SCN1A: variants seen among roughly 807,000 people sequenced by gnomAD.
SCN1A encodes sodium voltage-gated channel alpha subunit 1.
Under a neutral mutation model 193.7 loss-of-function variants are expected in SCN1A, and 13 were observed. The ratio of observed to expected loss-of-function variants is 0.07; its 90% CI spans 0.04 to 0.11. The LOEUF (loss-of-function observed/expected upper bound fraction) is 0.11, where lower values mean the gene tolerates loss of function less well. Among genes scored for constraint, SCN1A ranks in the 10% least tolerant of loss-of-function variants. The probability of loss-of-function intolerance (pLI) is 1.00; values close to 1 mark genes in which losing one functional copy is unlikely to be tolerated. For synonymous variants in SCN1A, 781 were observed against 843.6 expected (o/e 0.93, Z 1.29); for missense variants, 1,432 against 2,451.1 (o/e 0.58, Z 8.78).
At position 166,051,766 on chromosome 2, in the gene SCN1A, T is replaced by C; in HGVS notation, c.917A>G (p.Asn306Ser). The change falls in exon 9 of 29, where the codon AAT becomes AGT. Residue 306 changes from asparagine to serine, a missense_variant. Around this residue, in one of 18 missense-constraint regions of SCN1A, gnomAD observed 52 missense variants for 59.6 expected, o/e 0.87. Coordinates refer to ENST00000674923, the MANE Select transcript of SCN1A (RefSeq NM_001165963.4). ...CCAGTCAAACTCAAAGACAGTTTCA[T>C]TTATAAGTGTACCATTATAATTCAC... ...ITVNYNGTLI[N>S]ETVFEFDWKS... is the part of the protein sequence containing the mutation. The C allele has an allele frequency of 6.2e-7, 1 of 1,608,686 alleles. No homozygotes were observed. Among genetic ancestry groups the C allele is most frequent in the Non-Finnish European group, 8.5e-7 (1 of 1,175,702 alleles).
chr2:166,076,838 C>CA (rs55783230), intron 3 of SCN1A, among the ~76,000 whole-genome samples: 41,519 of 147,478 alleles, frequency 0.28, 6,029 homozygotes, highest in Non-Finnish European at 0.34. Flanking sequence ...CATCCAAATG[C>CA]AAAAAAAAAA....
At chr2:165,995,386 A>G (rs1475334013) in intron 27 of SCN1A, among the ~76,000 whole-genome samples, 1 of 151,714 alleles carries the variant, frequency 6.6e-6, no homozygotes, top group East Asian at 1.9e-4. Flanking sequence ...ATAGCTGTAC[A>G]TTTTCATAGC....
chr2:166,036,282 A>G lies in SCN1A; in HGVS notation c.3195T>C (p.His1065=), dbSNP rs145219358. The change falls in exon 19 of 29, where the codon CAT becomes CAC. Residue 1065 remains histidine (H), a synonymous_variant. Coordinates refer to ENST00000674923, the MANE Select transcript of SCN1A (RefSeq NM_001165963.4). ...CAAGATCTTTCCCAATTTCTGCTGT[A>G]TGATTGGACATACAACTGTCTTTCT... ...NNKKDSCMSN[H]TAEIGKDLDY... is the part of the protein sequence containing the mutation. 6.2e-6 allele frequency: 10 copies of G among 1,613,784 alleles called. No homozygotes were observed. The highest frequency in any genetic ancestry group is 1.3e-5 in the African/African-American group (1 of 74,926).
chr2:166,043,677 C>A lies in SCN1A; in HGVS notation c.2035G>T (p.Asp679Tyr), dbSNP rs796052979. The change falls in exon 14 of 29, where the codon GAT (aspartate) becomes TAT (tyrosine). Residue 679 changes from aspartate to tyrosine, a missense_variant. Asp to Tyr is a radical substitution (Grantham distance 160, BLOSUM62 -3). This residue lies in a region of SCN1A where 316 missense variants were observed against 362.1 expected (regional missense o/e 0.87). Transcript: ENST00000674923. Reference sequence around the variant, plus strand: ...ATTTAAAACTTCCTTACATTGTCATCAGTAGCTGGCTTATCTATTATCACC... The same window carrying A: ...ATTTAAAACTTCCTTACATTGTCATAAGTAGCTGGCTTATCTATTATCACC... ...PEVIIDKPATDDNGTTTETEM... is the reference protein window; with the variant it reads ...PEVIIDKPATYDNGTTTETEM... 1.9e-6 allele frequency: 3 copies of A among 1,613,790 alleles called. No homozygotes were observed. The highest frequency in any genetic ancestry group is 1.7e-6 in the Non-Finnish European group (2 of 1,179,842).
chr2:166,112,647 A>G (rs144039458), intron 2 of SCN1A, among the ~76,000 whole-genome samples: 1 of 152,106 alleles, frequency 6.6e-6, no homozygotes, highest in African/African-American at 2.4e-5. Flanking sequence ...CATCTTTCTT[A>G]TATTTGGCCT....
chr2:166,136,421 T>G (rs1691860100), intron 1 of SCN1A, among the ~76,000 whole-genome samples: 1 of 117,424 alleles, frequency 8.5e-6, no homozygotes, highest in African/African-American at 4.0e-5. Context: ...ATCATATATA[T>G]GCATATATAT....
At chr2:166,042,174 A>G (rs1697262463) in intron 15 of SCN1A, 118 bp downstream of exon 15, 1 of 988,776 alleles carries the variant, frequency 1.0e-6, no homozygotes, top group Admixed American at 2.2e-5. Flanking sequence ...ACAGCTCTTG[A>G]ATTAGACTGT....
rs370065187 is a variant in SCN1A, at chr2:166,078,252, A to G, written c.-141-451T>C. ...TGTCTCTAAAATAGCTCTTGAATCAAAGAGGACTTTGATTCTAATACATAT... is the reference window on the plus strand; with the variant it reads ...TGTCTCTAAAATAGCTCTTGAATCAGAGAGGACTTTGATTCTAATACATAT... On this transcript the variant is annotated intron_variant, in intron 2 of 28. Coordinates refer to ENST00000674923, the MANE Select transcript of SCN1A (RefSeq NM_001165963.4). 4.0e-4 allele frequency among the ~76,000 whole-genome samples: 60 copies of G among 151,896 alleles called. 3 individuals are homozygous for G. The highest frequency in any genetic ancestry group is 1.4e-3 in the African/African-American group (59 of 41,522).
chr2:166,073,995 G>A (rs1684746068), intron 3 of SCN1A, among the ~76,000 whole-genome samples: 1 of 152,170 alleles, frequency 6.6e-6, no homozygotes, highest in Non-Finnish European at 1.5e-5. Flanking sequence ...GACACACCCA[G>A]AAGATGGAGA....
At chr2:166,026,679 C>CTTTTTTTTTTTT (rs35750460) in intron 19 of SCN1A, among the ~76,000 whole-genome samples, 231 of 97,654 alleles carry the variant, frequency 2.4e-3, no homozygotes, top group Non-Finnish European at 3.1e-3. Flanking sequence ...TTCTTTCTTT[C>CTTTTTTTTTTTT]TTTTTTTTTT....
intron 21 of SCN1A, 109 bp from the exon 22 acceptor site, chr2:166,012,391 G>T: frequency 1.2e-6 from 1 of 839,740 alleles, no homozygotes. Context: ...TAGGAGGGCA[G>T]AGAAACAGTA....
chr2:166,052,835 T>G lies in SCN1A; in HGVS notation c.694+17A>C. ...ATCACATGATGGGTCCGTCTCATTATCTAACCTTGCTCTCACCTGGAATGA... is the reference window on the plus strand; with the variant it reads ...ATCACATGATGGGTCCGTCTCATTAGCTAACCTTGCTCTCACCTGGAATGA... On this transcript the variant is annotated intron_variant, in intron 8 of 28. Transcript: ENST00000674923. The G allele has an allele frequency of 6.3e-7, 1 of 1,597,800 alleles. No homozygotes were observed. The highest frequency in any genetic ancestry group is 8.6e-7 in the Non-Finnish European group (1 of 1,166,104).
intron 1 of SCN1A, among the ~76,000 whole-genome samples, chr2:166,137,027 A>AC (rs1407107926): frequency 6.6e-6 from 1 of 152,112 alleles, no homozygotes; most frequent in African/African-American, 2.4e-5. Context: ...CTTCTAACCT[A>AC]CATTTTAATA....
rs778103856 is a variant in SCN1A, at chr2:165,992,473, A to G, written c.4853-51T>C. 3 of 1,604,996 alleles carry G rather than the reference A, an allele frequency of 1.9e-6. No individual in the cohort carries two copies. The highest frequency in any genetic ancestry group is 1.1e-5 in the South Asian group (1 of 90,860). ...ACCAGTGAAGAAATCATGCGTTAAA[A>G]TAAACATATGTTTCTTCTAAAGCTC... is the stretch of plus-strand genomic sequence containing the variant. On this transcript the variant is annotated intron_variant, in intron 28 of 28. Transcript: ENST00000674923. This position sits in a 1 kb window ranked among gnomAD's most constrained non-coding sequence, Gnocchi z 6.5.
At chr2:166,078,470 G>A (rs951856718) in intron 2 of SCN1A, among the ~76,000 whole-genome samples, 5 of 150,502 alleles carry the variant, frequency 3.3e-5, no homozygotes, top group African/African-American at 1.2e-4. Flanking sequence ...TTGATAGTTG[G>A]GGGAGGCTCT....
rs1696839969 is a variant in SCN1A at position 166,039,295 on chromosome 2, A to G, written c.2589+128T>C. ...TTTCCATGTAGGAAAAGTTTTTGACAATGCAAATGTTACAGAAAAACTTAC... is the reference window on the plus strand; with the variant it reads ...TTTCCATGTAGGAAAAGTTTTTGACGATGCAAATGTTACAGAAAAACTTAC... On this transcript the variant is annotated intron_variant, in intron 17 of 28. Coordinates refer to ENST00000674923, the MANE Select transcript of SCN1A (RefSeq NM_001165963.4). 4.4e-6 allele frequency: 4 copies of G among 916,842 alleles called. No homozygotes were observed. In the African/African-American group the frequency reaches 5.1e-5, roughly 12 times the overall value. The allele number at this position is 916,842 out of a possible 1,614,324, so 56.8% of individuals were successfully genotyped here.
At chr2:166,089,803 G>A (rs2106073765) in intron 2 of SCN1A, among the ~76,000 whole-genome samples, 1 of 152,154 alleles carries the variant, frequency 6.6e-6, no homozygotes, top group African/African-American at 2.4e-5. Flanking sequence ...AACCAGTGTT[G>A]GGTTTTATTT....
At chr2:166,146,946 G>A (rs927364824) in intron 1 of SCN1A, among the ~76,000 whole-genome samples, 7 of 152,184 alleles carry the variant, frequency 4.6e-5, no homozygotes, top group East Asian at 1.9e-4. Flanking sequence ...ATGACAATAT[G>A]TATTTAACTA....
intron 2 of SCN1A, among the ~76,000 whole-genome samples, chr2:166,102,060 G>T (rs898982095): frequency 6.6e-6 from 1 of 151,996 alleles, no homozygotes; most frequent in Non-Finnish European, 1.5e-5. Context: ...AATGGGCAAA[G>T]AATTAAAAAG....
Sources: allele counts gnomAD v4.1 joint callset (sites outside exome capture counted in the v4.1 genomes callset), GRCh38; gene constraint gnomAD v4.1.1; regional missense constraint gnomAD v4.1.1; non-coding constraint Gnocchi (gnomAD v3.1); transcripts MANE v1.5; gene names NCBI Gene and HGNC (gene_info 2026-07-23, HGNC 2026-07-21).